The following ELAPOR1 variants were observed in gnomAD, a reference collection of about 807,000 sequenced individuals.
ELAPOR1 encodes endosome/lysosome-associated apoptosis and autophagy regulator 1.
A neutral mutation model predicts 119.7 loss-of-function variants in ELAPOR1; 77 were observed. The observed-to-expected ratio is 0.64, with a 90% CI of 0.54 to 0.78. The LOEUF (loss-of-function observed/expected upper bound fraction) is 0.78, where lower values mean the gene tolerates loss of function less well. ELAPOR1 is among the 30% of genes least tolerant of loss of function. ELAPOR1 has a pLI of 0.00. For missense variants in ELAPOR1, 1,115 were observed against 1,270.4 expected (o/e 0.88, Z 1.86); for synonymous variants, 481 against 487.2 (o/e 0.99, Z 0.17).
At position 109,199,893 on chromosome 1, in the gene ELAPOR1, C is replaced by T. The variant is rs1654057811; in HGVS notation, c.2541C>T (p.His847=). Residue 847 remains histidine, a synonymous_variant, in exon 19 of 22, where the codon CAC becomes CAT. Transcript: ENST00000369939. ...SDGTCDGCNF[H]FLWESAAACP... is the part of the protein sequence containing the mutation. ...GGACCTGTGATGGCTGCAACTTCCA[C>T]TTCCTGTGGGAGAGCGCGGCTGCTT... is the stretch of plus-strand genomic sequence containing the variant. The T allele has an allele frequency of 2.5e-6, 4 of 1,613,728 alleles. No individual in the cohort carries two copies. The South Asian group carries it at 4.4e-5, about 18-fold the overall frequency.
At chr1:109,188,597 C>G (rs1400768826) in intron 9 of ELAPOR1, among the ~76,000 whole-genome samples, 1 of 152,136 alleles carries the variant, frequency 6.6e-6, no homozygotes, top group African/African-American at 2.4e-5. Context: ...AAATGTGACT[C>G]AGGACTGAAG....
At position 109,189,603 on chromosome 1, in the gene ELAPOR1, G is replaced by A; in HGVS notation, c.1360G>A (p.Ala454Thr). Residue 454 changes from alanine to threonine, a missense_variant, in exon 11 of 22, where the codon GCT becomes ACT. Transcript: ENST00000369939. The part of the protein sequence containing the change: ...EYKGMTGWEV[A>T]GDHIYTAAGA... ...TCTTTCCTTTTCAGGCTGGGAGGTG[G>A]CTGGTGATCACATTTACACAGCTGC... 1 of 1,613,912 alleles carries A rather than the reference G, an allele frequency of 6.2e-7. No homozygotes were observed. Among genetic ancestry groups the A allele is most frequent in the Non-Finnish European group, 8.5e-7 (1 of 1,179,920 alleles).
intron 1 of ELAPOR1, among the ~76,000 whole-genome samples, chr1:109,143,312 A>G (rs1200579607): frequency 6.6e-6 from 1 of 152,236 alleles, no homozygotes; most frequent in Admixed American, 6.5e-5. Context: ...TATAGTATGT[A>G]CAACACTTGA....
At position 109,172,517 on chromosome 1, in the gene ELAPOR1, A is replaced by G. The variant is rs1211133703; in HGVS notation, c.645A>G (p.Ala215=). The G allele has an allele frequency of 6.2e-7, 1 of 1,613,986 alleles. No homozygotes were observed. The highest frequency in any genetic ancestry group is 8.5e-7 in the Non-Finnish European group (1 of 1,179,868). ...FVQNDQCQPN[A]DDSRWMKTTE... is the part of the protein sequence containing the mutation. ...AGAATGACCAGTGCCAGCCCAATGCAGATGACTCCAGGTGGATGAAGACCA... is the reference window on the plus strand; with the variant it reads ...AGAATGACCAGTGCCAGCCCAATGCGGATGACTCCAGGTGGATGAAGACCA... The change falls in exon 5 of 22, where the codon GCA becomes GCG. Residue 215 remains alanine, a synonymous_variant. Coordinates refer to ENST00000369939, the MANE Select transcript of ELAPOR1 (RefSeq NM_020775.5).
At chr1:109,191,341 T>C in intron 11 of ELAPOR1, 25 bp from the exon 12 acceptor site, 1 of 1,564,342 alleles carries the variant, frequency 6.4e-7, no homozygotes, top group Non-Finnish European at 8.8e-7. Context: ...CCTTTAGAAC[T>C]GACTTTTAAT....
At chr1:109,123,949 T>C (rs901607685) in intron 1 of ELAPOR1, among the ~76,000 whole-genome samples, 6 of 152,072 alleles carry the variant, frequency 3.9e-5, no homozygotes, top group Non-Finnish European at 7.4e-5. Flanking sequence ...ACTACAGGCG[T>C]GGGCCACCAC....
chr1:109,155,438 A>C (rs1403967731), intron 1 of ELAPOR1, among the ~76,000 whole-genome samples: 1 of 152,132 alleles, frequency 6.6e-6, no homozygotes, highest in African/African-American at 2.4e-5. Flanking sequence ...TTGGCCTCCC[A>C]AAGTGCTGGG....
chr1:109,146,509 C>A (rs1462476166), intron 1 of ELAPOR1, among the ~76,000 whole-genome samples: 1 of 152,098 alleles, frequency 6.6e-6, no homozygotes, highest in African/African-American at 2.4e-5. Flanking sequence ...ACAAGCCTGC[C>A]CAGATTCAAG....
chr1:109,118,742 G>T (rs1648189040), intron 1 of ELAPOR1, among the ~76,000 whole-genome samples: 1 of 152,156 alleles, frequency 6.6e-6, no homozygotes, highest in African/African-American at 2.4e-5. Flanking sequence ...AATGCAGAAA[G>T]AACAGCTTTA....
Position 109,138,873 on chromosome 1 carries a change from C to T in ELAPOR1, c.154-23021C>T, listed in dbSNP as rs531188811. On this transcript the variant is annotated intron_variant, in intron 1 of 21. Coordinates refer to ENST00000369939, the MANE Select transcript of ELAPOR1 (RefSeq NM_020775.5). Reference sequence around the variant, plus strand: ...AAAAGAATCTTCTCCCTAAAAGAGACGTTAAAATTTTTTTCAAAACTTAAT... The same window carrying T: ...AAAAGAATCTTCTCCCTAAAAGAGATGTTAAAATTTTTTTCAAAACTTAAT... Among the ~76,000 whole-genome samples the T allele has an allele frequency of 4.8e-4, 69 of 143,728 alleles. 1 individual carries two copies. In the South Asian group the frequency reaches 9.4e-3, roughly 19 times the overall value. 94.3% of individuals were successfully genotyped at this position (143,728 alleles called of 152,430 possible). A position where few individuals can be genotyped will look rare whatever the true frequency, so the allele number is the denominator to read the frequency against.
At chr1:109,146,956 A>G (rs1181658869) in intron 1 of ELAPOR1, among the ~76,000 whole-genome samples, 2 of 150,928 alleles carry the variant, frequency 1.3e-5, no homozygotes, top group East Asian at 3.9e-4. Context: ...CCCAGGATGG[A>G]GTGTAGTGGC....
intron 18 of ELAPOR1, among the ~76,000 whole-genome samples, chr1:109,199,055 C>T (rs372909152): frequency 1.4e-4 from 21 of 152,234 alleles, no homozygotes; most frequent in South Asian, 4.1e-4. Flanking sequence ...ATTCCCTCAG[C>T]GGGTTGTTTT....
Position 109,204,000 on chromosome 1 carries a change from T to G in ELAPOR1, c.*988T>G, listed in dbSNP as rs1654346065. ...GTGCAGTGGCATAATCACTGTTCAGTGCAGCCTCAAGCTCTTGGGCTCAAG... is the reference window on the plus strand; with the variant it reads ...GTGCAGTGGCATAATCACTGTTCAGGGCAGCCTCAAGCTCTTGGGCTCAAG... On this transcript the variant is annotated 3_prime_UTR_variant, in exon 22 of 22. Coordinates refer to ENST00000369939, the MANE Select transcript of ELAPOR1 (RefSeq NM_020775.5). 6.6e-6 allele frequency: 1 copy of G among 152,166 alleles called. No homozygotes were observed. The allele number at this position is 152,166 out of a possible 1,614,324, so 9.4% of individuals were successfully genotyped here. A position where few individuals can be genotyped will look rare whatever the true frequency, so the allele number is the denominator to read the frequency against.
chr1:109,118,499 G>A (rs1393496901), intron 1 of ELAPOR1, among the ~76,000 whole-genome samples: 3 of 152,144 alleles, frequency 2.0e-5, no homozygotes, highest in African/African-American at 7.2e-5. Context: ...AGAGAGATGA[G>A]GCAAGGAGAC....
At chr1:109,149,975 A>C (rs1430470259) in intron 1 of ELAPOR1, among the ~76,000 whole-genome samples, 1 of 152,218 alleles carries the variant, frequency 6.6e-6, no homozygotes, top group Admixed American at 6.5e-5. Context: ...AGCCTGGCAC[A>C]TGGATGCTTA....
At chr1:109,196,677 C>T (rs1653814463) in intron 15 of ELAPOR1, among the ~76,000 whole-genome samples, 2 of 146,406 alleles carry the variant, frequency 1.4e-5, no homozygotes, top group Admixed American at 1.4e-4. Context: ...GCTGAGACAC[C>T]AGATTTAGCA....
intron 7 of ELAPOR1, among the ~76,000 whole-genome samples, chr1:109,179,052 G>C (rs1652533713): frequency 6.6e-6 from 1 of 152,046 alleles, no homozygotes; most frequent in Non-Finnish European, 1.5e-5. Flanking sequence ...GCTAAGATCT[G>C]GAAAGATGAA....
chr1:109,123,269 AT>A (rs1648560139), intron 1 of ELAPOR1, among the ~76,000 whole-genome samples: 1 of 152,218 alleles, frequency 6.6e-6, no homozygotes, highest in Non-Finnish European at 1.5e-5. Flanking sequence ...AGCAGAGTTG[AT>A]ACAAATAACC....
At chr1:109,144,612 T>C (rs7366271) in intron 1 of ELAPOR1, among the ~76,000 whole-genome samples, 127,923 of 151,948 alleles carry the variant, frequency 0.84, 54,069 homozygotes, top group East Asian at 0.93. Flanking sequence ...TGTGGCGGCA[T>C]ATGCCAGTAA....
Sources: gnomAD v4.1 joint callset for allele counts (sites outside exome capture counted in the v4.1 genomes callset) on GRCh38, gnomAD v4.1.1 for gene constraint, MANE v1.5 for transcripts, NCBI Gene and HGNC (gene_info 2026-07-23, HGNC 2026-07-21) for gene names.